FGF12: variants seen among roughly 807,000 people sequenced by gnomAD.
The protein encoded by FGF12 is fibroblast growth factor 12, also known as fibroblast growth factor 12B.
Under a neutral mutation model 23.6 loss-of-function variants are expected in FGF12, and 14 were observed. The observed-to-expected ratio is 0.59, with a 90% CI of 0.39 to 0.93. The LOEUF (loss-of-function observed/expected upper bound fraction) is 0.93, where lower values mean the gene tolerates loss of function less well. Ranked by LOEUF, FGF12 falls within the 40% of genes least tolerant of loss-of-function variation. The probability of loss-of-function intolerance (pLI) is 0.00; values close to 1 mark genes in which losing one functional copy is unlikely to be tolerated. For synonymous variants in FGF12, 62 were observed against 77.3 expected, an observed-to-expected ratio of 0.80 and a Z score of 1.04; for missense variants, 175 against 217.8, an observed-to-expected ratio of 0.80 and a Z score of 1.24.
At chr3:192,199,105 G>A (rs1477160982) in intron 4 of FGF12, among the ~76,000 whole-genome samples, 1 of 152,206 alleles carries the variant, frequency 6.6e-6, no homozygotes, top group African/African-American at 2.4e-5. Flanking sequence ...AAGAGCTGAA[G>A]TCAGTAACAA....
chr3:192,603,353 A>C (rs567869432), intron 2 of FGF12, among the ~76,000 whole-genome samples: 2 of 152,328 alleles, frequency 1.3e-5, no homozygotes, highest in African/African-American at 4.8e-5. Context: ...ATACAAAATC[A>C]ATGCACAAAA....
chr3:192,276,347 T>G (rs1370181977), intron 4 of FGF12, among the ~76,000 whole-genome samples: 2 of 152,118 alleles, frequency 1.3e-5, no homozygotes, highest in African/African-American at 4.8e-5. Flanking sequence ...CTGAGTAAAA[T>G]GGACAAGTTT....
chr3:192,592,295 CCT>C (rs1713659128), intron 2 of FGF12, among the ~76,000 whole-genome samples: 2 of 151,756 alleles, frequency 1.3e-5, no homozygotes, highest in South Asian at 2.1e-4. Context: ...GTTATTTGCC[CCT>C]GTCTTTGCTG....
At position 192,144,000 on chromosome 3, in the gene FGF12, A is replaced by C. The variant is rs1373343116; in HGVS notation, c.*9T>G. ...GGGATGAGAGAGGGAAGAAGGGGAG[A>C]GTTCTCAGCTATGTTGAATCTTGAT... is the stretch of plus-strand genomic sequence containing the variant. On this transcript the variant is annotated 3_prime_UTR_variant, in exon 6 of 6. Transcript: ENST00000445105. 1.4e-5 allele frequency: 21 copies of C among 1,512,508 alleles called. No homozygotes were observed. The highest frequency in any genetic ancestry group is 1.7e-5 in the Non-Finnish European group (19 of 1,087,828). 93.7% of individuals were successfully genotyped at this position (1,512,508 alleles called of 1,614,324 possible). A position where few individuals can be genotyped will look rare whatever the true frequency, so the allele number is the denominator to read the frequency against.
At position 192,142,214 on chromosome 3, in the gene FGF12, C is replaced by T. The variant is rs928557190; in HGVS notation, c.*1795G>A. The T allele has an allele frequency of 1.3e-5, 2 of 152,458 alleles. No individual in the cohort carries two copies. The highest frequency in any genetic ancestry group is 4.8e-5 in the African/African-American group (2 of 41,416). 9.4% of individuals were successfully genotyped at this position (152,458 alleles called of 1,614,324 possible). ...ATTCCTTCATTTCATTTTCTGCTAA[C>T]CTCTAGATAACAGAAATAGGATACC... On this transcript the variant is annotated 3_prime_UTR_variant, in exon 6 of 6. Coordinates refer to ENST00000445105, the MANE Select transcript of FGF12 (RefSeq NM_004113.6).
intron 2 of FGF12, among the ~76,000 whole-genome samples, chr3:192,373,091 G>A (rs1317941555): frequency 6.6e-6 from 1 of 152,024 alleles, no homozygotes; most frequent in Non-Finnish European, 1.5e-5. Context: ...TTATCTGGCA[G>A]CACACTGTTT....
intron 2 of FGF12, among the ~76,000 whole-genome samples, chr3:192,407,172 CAA>C (rs1243796046): frequency 6.6e-6 from 1 of 152,150 alleles, no homozygotes; most frequent in African/African-American, 2.4e-5. Context: ...CATCCAAAAG[CAA>C]TCATCTGCGG....
intron 4 of FGF12, among the ~76,000 whole-genome samples, chr3:192,185,684 A>AC (rs1266110313): frequency 1.3e-5 from 2 of 151,898 alleles, no homozygotes; most frequent in Admixed American, 1.3e-4. Context: ...ACATGGTGAA[A>AC]CCCCATCTCT....
At chr3:192,567,874 C>T (rs1348113891) in intron 2 of FGF12, among the ~76,000 whole-genome samples, 1 of 150,350 alleles carries the variant, frequency 6.7e-6, no homozygotes, top group East Asian at 2.0e-4. Context: ...CTCTTGTCGT[C>T]CAGGCTGGAG....
At chr3:192,422,672 A>G (rs2108785063) in intron 2 of FGF12, among the ~76,000 whole-genome samples, 1 of 152,284 alleles carries the variant, frequency 6.6e-6, no homozygotes, top group East Asian at 1.9e-4. Context: ...TATTATCACA[A>G]CCACCCTATT....
At chr3:192,520,757 C>G (rs939533274) in intron 2 of FGF12, among the ~76,000 whole-genome samples, 1 of 152,080 alleles carries the variant, frequency 6.6e-6, no homozygotes, top group Non-Finnish European at 1.5e-5. Context: ...CTGGCCAGTT[C>G]CTGTTCCCTC....
At chr3:192,217,664 T>C (rs1361751527) in intron 4 of FGF12, among the ~76,000 whole-genome samples, 1 of 152,188 alleles carries the variant, frequency 6.6e-6, no homozygotes, top group South Asian at 2.1e-4. Flanking sequence ...AAAATCAAAT[T>C]TGAAGATGTT....
chr3:192,285,849 T>C (rs1714417156), intron 4 of FGF12, among the ~76,000 whole-genome samples: 1 of 152,022 alleles, frequency 6.6e-6, no homozygotes, highest in Non-Finnish European at 1.5e-5. Context: ...CAAAGATAAT[T>C]GAGTGAACGA....
intron 5 of FGF12, among the ~76,000 whole-genome samples, chr3:192,167,509 T>C (rs899476784): frequency 6.6e-6 from 1 of 151,804 alleles, no homozygotes; most frequent in Non-Finnish European, 1.5e-5. Flanking sequence ...AAAAGCACAG[T>C]ACCAGCTAGG....
chr3:192,501,620 C>T (rs1724135689), intron 2 of FGF12, among the ~76,000 whole-genome samples: 1 of 152,176 alleles, frequency 6.6e-6, no homozygotes, highest in Admixed American at 6.5e-5. Flanking sequence ...AACCATACCA[C>T]TCAACTAGAA....
chr3:192,255,811 G>A (rs1712348070), intron 4 of FGF12, among the ~76,000 whole-genome samples: 1 of 152,044 alleles, frequency 6.6e-6, no homozygotes, highest in Non-Finnish European at 1.5e-5. Flanking sequence ...TCCTAGAGAT[G>A]TGCCTATTAT....
At chr3:192,613,243 T>C (rs961039275) in intron 2 of FGF12, among the ~76,000 whole-genome samples, 5 of 152,024 alleles carry the variant, frequency 3.3e-5, no homozygotes, top group Middle Eastern at 6.8e-3. Context: ...GTAACTTTAT[T>C]GTATAATTTC....
chr3:192,489,202 A>G (rs1723726687), intron 2 of FGF12, among the ~76,000 whole-genome samples: 2 of 152,228 alleles, frequency 1.3e-5, no homozygotes, highest in Middle Eastern at 6.8e-3. Flanking sequence ...TATTATCACA[A>G]TAATAAAAAT....
At chr3:192,451,514 T>C (rs1394369724) in intron 2 of FGF12, among the ~76,000 whole-genome samples, 1 of 151,606 alleles carries the variant, frequency 6.6e-6, no homozygotes, top group Non-Finnish European at 1.5e-5. Context: ...GAGCAGGAGG[T>C]TGCCATATTA....
Sources: gnomAD v4.1 joint callset for allele counts (sites outside exome capture counted in the v4.1 genomes callset) on GRCh38, gnomAD v4.1.1 for gene constraint, MANE v1.5 for transcripts, NCBI Gene and HGNC (gene_info 2026-07-23, HGNC 2026-07-21) for gene names.